Variants in FETUB observed in about 807,000 individuals in gnomAD.
FETUB encodes fetuin B.
Under a neutral mutation model 30.9 loss-of-function variants are expected in FETUB, and 28 were observed. That is an observed-to-expected ratio of 0.90 (90% CI 0.67 to 1.24). FETUB has a LOEUF of 1.24. Among genes scored for constraint, FETUB ranks in the 50% most tolerant of loss-of-function variants. FETUB has a pLI of 0.00. For missense variants in FETUB, 469 were observed against 455.3 expected (o/e 1.03, Z -0.27); for synonymous variants, 186 against 175.9 (o/e 1.06, Z -0.45).
In FETUB at chr3:186,652,474, C is replaced by T. The variant is rs371737311; in HGVS notation, c.992C>T (p.Thr331Ile). The T allele has an allele frequency of 6.8e-6, 11 of 1,614,094 alleles. No homozygotes were observed. Among genetic ancestry groups the T allele is most frequent in the Non-Finnish European group, 8.5e-6 (10 of 1,180,044 alleles). ...GCCTTTCCTGTGCATCTGGACCTAA[C>T]CACGAATCCCCAGGGAGAAACCCTG... ...QEAFPVHLDL[T>I]TNPQGETLDI... is the part of the protein sequence containing the mutation. Residue 331 changes from threonine (T) to isoleucine (I), a missense_variant, in exon 7 of 7, where the codon ACC (threonine) becomes ATC (isoleucine). Transcript: ENST00000265029.
intron 5 of FETUB, chr3:186,647,160 C>T (rs1372326546): frequency 6.6e-6 from 1 of 152,188 alleles, no homozygotes; most frequent in Non-Finnish European, 1.5e-5. Flanking sequence ...AAAGCTTCTC[C>T]ATCTATAAAT....
chr3:186,642,544 G>A lies in FETUB; in HGVS notation c.410G>A (p.Cys137Tyr). 1.3e-6 allele frequency: 2 copies of A among 1,596,872 alleles called. No homozygotes were observed. The highest frequency in any genetic ancestry group is 8.6e-7 in the Non-Finnish European group (1 of 1,165,476). Reference protein sequence around the residue: ...SRVLYLAAYNCTLRPVSKKKI... With the variant: ...SRVLYLAAYNYTLRPVSKKKI... The stretch of plus-strand genomic sequence containing the variant: ...GTTCTCTATTTAGCTGCTTATAACT[G>A]TACTCTTCGCCCAGGTAAGAAATCA... Residue 137 changes from cysteine to tyrosine, a missense_variant, in exon 3 of 7, where the codon TGT becomes TAT. Cys to Tyr is a radical substitution (Grantham distance 194). Coordinates refer to ENST00000265029, the MANE Select transcript of FETUB (RefSeq NM_014375.3).
intron 1 of FETUB, 50 bp from the exon 2 acceptor site, chr3:186,640,980 G>T: frequency 8.2e-6 from 10 of 1,224,126 alleles, no homozygotes; most frequent in Non-Finnish European, 1.2e-5. Context: ...GGTCTTTCTA[G>T]GTTTCTACTT....
In FETUB at chr3:186,640,630, AG is replaced by A; in HGVS notation, c.172del (p.Asp58MetfsTer5). The stretch of plus-strand genomic sequence containing the variant: ...CTGCGGGATATTAACAAAGACAGAA[AG>A]GATGGCTATGTGCTGAGACTCAACC... ...FALRDINKDR[K>X]DGYVLRLNRV... On this transcript the variant is annotated frameshift_variant, in exon 1 of 7. Transcript: ENST00000265029. LOFTEE classifies it high-confidence loss of function. 1 of 1,614,204 alleles carries A rather than the reference AG, an allele frequency of 6.2e-7. No homozygotes were observed. Among genetic ancestry groups the A allele is most frequent in the South Asian group, 1.1e-5 (1 of 91,090 alleles).
chr3:186,640,523 A>T lies in FETUB; in HGVS notation c.63A>T (p.Pro21=). 1 of 1,614,110 alleles carries T rather than the reference A, an allele frequency of 6.2e-7. No individual in the cohort carries two copies. Among genetic ancestry groups the T allele is most frequent in the Non-Finnish European group, 8.5e-7 (1 of 1,180,012 alleles). The change falls in exon 1 of 7, where the codon CCA becomes CCT. Residue 21 remains proline, a synonymous_variant. Coordinates refer to ENST00000265029, the MANE Select transcript of FETUB (RefSeq NM_014375.3). Reference sequence around the variant, plus strand: ...TCCTGTGCTGCGGAGCAATGTCTCCACCCCAGCTGGCCCTCAACCCCTCGG... The same window carrying T: ...TCCTGTGCTGCGGAGCAATGTCTCCTCCCCAGCTGGCCCTCAACCCCTCGG... ...ILVLCCGAMS[P]PQLALNPSAL...
chr3:186,636,472 G>A (rs1030198324), upstream of FETUB, among the ~76,000 whole-genome samples: 1 of 152,206 alleles, frequency 6.6e-6, no homozygotes. Context: ...TACCGCCATA[G>A]GGATTTGTGG....
rs914164192 is a variant in FETUB, at chr3:186,652,788, T to C, written c.*157T>C. 1 of 861,362 alleles carries C rather than the reference T, an allele frequency of 1.2e-6. No homozygotes were observed. Among genetic ancestry groups the C allele is most frequent in the Non-Finnish European group, 1.7e-6 (1 of 579,692 alleles). The allele number at this position is 861,362 out of a possible 1,614,324, so 53.4% of individuals were successfully genotyped here. On this transcript the variant is annotated 3_prime_UTR_variant, in exon 7 of 7. Transcript: ENST00000265029. ...TCAGCATGTTGACTGGGATTGGAAA[T>C]AATGAGACTGAGCCCTCGGCTTGGG... is the stretch of plus-strand genomic sequence containing the variant.
intron 4 of FETUB, 140 bp from the exon 5 acceptor site, chr3:186,646,108 G>C (rs2108530953): frequency 3.2e-6 from 2 of 633,466 alleles, no homozygotes; most frequent in East Asian, 2.6e-5. Flanking sequence ...TCAGTGTGGG[G>C]ATTTGCGGAA....
At position 186,652,286 on chromosome 3, in the gene FETUB, C is replaced by G; in HGVS notation, c.804C>G (p.Asn268Lys). ...AGGCTCCAGCCACTGGAAGTGAAAA[C>G]TCTGCTGTTAACCAGAAACCTACAA... ...ESQAPATGSE[N>K]SAVNQKPTNL... Residue 268 changes from asparagine to lysine, a missense_variant, in exon 7 of 7, where the codon AAC (asparagine) becomes AAG (lysine). Physicochemically the swap from Asn to Lys is moderately conservative, Grantham distance 94. Coordinates refer to ENST00000265029, the MANE Select transcript of FETUB (RefSeq NM_014375.3). 1 of 1,554,718 alleles carries G rather than the reference C, an allele frequency of 6.4e-7. No homozygotes were observed. The highest frequency in any genetic ancestry group is 8.6e-7 in the Non-Finnish European group (1 of 1,157,502).
intron 5 of FETUB, among the ~76,000 whole-genome samples, chr3:186,650,283 C>T (rs765024628): frequency 6.6e-6 from 1 of 151,232 alleles, no homozygotes; most frequent in African/African-American, 2.4e-5. Context: ...CTTAAGAGCT[C>T]TTCTTTAGAA....
chr3:186,651,292 T>C lies in FETUB; in HGVS notation c.771T>C (p.Phe257=), dbSNP rs192905245. The change falls in exon 6 of 7, where the codon TTT becomes TTC. Residue 257 remains phenylalanine (F), a synonymous_variant. Coordinates refer to ENST00000265029, the MANE Select transcript of FETUB (RefSeq NM_014375.3). ...EKFVSVTCDF[F]ESQAPATGSE... is the part of the protein sequence containing the mutation. ...TTGTCTCTGTGACTTGTGACTTCTT[T>C]GAATCACAGGTATTTTTCAATCTAA... The C allele has an allele frequency of 1.1e-4, 178 of 1,605,912 alleles. No homozygotes were observed. The highest frequency in any genetic ancestry group is 1.4e-4 in the Non-Finnish European group (168 of 1,172,658).
intron 4 of FETUB, among the ~76,000 whole-genome samples, chr3:186,645,721 CTTTTTTTTTTTTT>C (rs35992832): frequency 1.3e-5 from 1 of 79,580 alleles, no homozygotes; most frequent in Non-Finnish European, 2.2e-5. Flanking sequence ...CCATTCAAAT[CTTTTTTTTTTTTT>C]TTTTTTTTTT....
intron 3 of FETUB, among the ~76,000 whole-genome samples, chr3:186,643,692 C>G (rs1355499693): frequency 6.6e-6 from 1 of 152,202 alleles, no homozygotes; most frequent in Admixed American, 6.5e-5. Context: ...CAGGAAGTGA[C>G]AGGTGGTGAT....
chr3:186,642,617 A>G (rs1717165729), intron 3 of FETUB, 59 bp downstream of exon 3: 1 of 1,023,204 alleles, frequency 9.8e-7, no homozygotes, highest in South Asian at 1.3e-5. Context: ...GTACTTAACC[A>G]GGTCTTTGCC....
intron 4 of FETUB, among the ~76,000 whole-genome samples, 178 bp downstream of exon 4, chr3:186,645,098 G>T (rs895175063): frequency 6.6e-6 from 1 of 152,190 alleles, no homozygotes; most frequent in Non-Finnish European, 1.5e-5. Flanking sequence ...CTTTCTAAGT[G>T]ATTCCATGGC....
chr3:186,652,287 T>G lies in FETUB; in HGVS notation c.805T>G (p.Ser269Ala), dbSNP rs766361957. The part of the protein sequence containing the change: ...SQAPATGSEN[S>A]AVNQKPTNLP... ...GGCTCCAGCCACTGGAAGTGAAAAC[T>G]CTGCTGTTAACCAGAAACCTACAAA... The change falls in exon 7 of 7, where the codon TCT (serine) becomes GCT (alanine). Residue 269 changes from serine to alanine, a missense_variant. Ser to Ala is a moderately conservative substitution (Grantham distance 99). Transcript: ENST00000265029. 1.9e-6 allele frequency: 3 copies of G among 1,555,402 alleles called. No homozygotes were observed. Among genetic ancestry groups the G allele is most frequent in the Non-Finnish European group, 2.6e-6 (3 of 1,157,820 alleles).
intron 1 of FETUB, 86 bp from the exon 2 acceptor site, chr3:186,640,944 G>T: frequency 6.0e-6 from 5 of 835,596 alleles, no homozygotes; most frequent in Non-Finnish European, 7.9e-6. Flanking sequence ...CTTTGGCTTT[G>T]CCATAAAGCA....
chr3:186,640,231 T>C (rs1161186327), upstream of FETUB: 1 of 553,388 alleles, frequency 1.8e-6, no homozygotes, highest in African/African-American at 1.9e-5. Flanking sequence ...CTTAAATTCA[T>C]TTGTATGTAC....
chr3:186,643,684 G>C (rs6775048), intron 3 of FETUB, among the ~76,000 whole-genome samples: 22,300 of 152,260 alleles, frequency 0.15, 1,810 homozygotes, highest in African/African-American at 0.21. Context: ...TGGGAGGTCA[G>C]GAAGTGACAG....
Sources: allele counts gnomAD v4.1 joint callset (sites outside exome capture counted in the v4.1 genomes callset), GRCh38; gene constraint gnomAD v4.1.1; transcripts MANE v1.5; gene names NCBI Gene and HGNC (gene_info 2026-07-23, HGNC 2026-07-21).